Variants in ZNF490 observed in about 807,000 individuals in gnomAD.
The protein encoded by ZNF490 is zinc finger protein 490.
A neutral mutation model predicts 17.7 loss-of-function variants in ZNF490; 11 were observed. That is an observed-to-expected ratio of 0.62 (90% confidence interval 0.39 to 1.03). ZNF490 has a LOEUF of 1.03. Among genes scored for constraint, ZNF490 ranks in the 50% least tolerant of loss-of-function variants. ZNF490 has a pLI of 0.00. For synonymous variants in ZNF490, 222 were observed against 216.1 expected (o/e 1.03, Z -0.24); for missense variants, 542 against 643.4 (o/e 0.84, Z 1.71).
intron 2 of ZNF490, among the ~76,000 whole-genome samples, chr19:12,593,440 G>T (rs983652357): frequency 6.6e-6 from 1 of 151,928 alleles, no homozygotes; most frequent in African/African-American, 2.4e-5. Flanking sequence ...AGTAGAGACG[G>T]GGTTTCTCCA....
chr19:12,596,747 G>GCCACAGGAACGAACTCTGGGAGCT (rs1475457782), intron 2 of ZNF490, among the ~76,000 whole-genome samples: 9 of 152,116 alleles, frequency 5.9e-5, no homozygotes, highest in Non-Finnish European at 1.0e-4. Context: ...CATCTGAGCA[G>GCCACAGGAACGAACTCTGGGAGCT]CCACAGGAAC....
intron 2 of ZNF490, among the ~76,000 whole-genome samples, chr19:12,606,462 A>C (rs1454432370): frequency 6.6e-6 from 1 of 150,578 alleles, no homozygotes; most frequent in Non-Finnish European, 1.5e-5. Context: ...CTTCTGCCTC[A>C]GCCTGCTGAG....
intron 4 of ZNF490, 64 bp from the exon 5 acceptor site, chr19:12,581,788 G>T: frequency 7.3e-7 from 1 of 1,367,700 alleles, no homozygotes; most frequent in Non-Finnish European, 9.9e-7. Context: ...TTATTAGCAA[G>T]TACCAGAATT....
chr19:12,578,154 G>A lies in ZNF490; in HGVS notation c.*2331C>T. The A allele has an allele frequency of 1.0e-6, 1 of 985,508 alleles. No homozygotes were observed. Among genetic ancestry groups the A allele is most frequent in the Non-Finnish European group, 1.2e-6 (1 of 830,022 alleles). The allele number at this position is 985,508 out of a possible 1,614,324, so 61.0% of individuals were successfully genotyped here. ...GGCTAGGAAACCAGTCCTGGAGCAG[G>A]ATGCATGTGACATGCACTGACGTGA... On this transcript the variant is annotated 3_prime_UTR_variant, in exon 5 of 5. Transcript: ENST00000311437.
Position 12,581,033 on chromosome 19 carries a change from T to TTGA in ZNF490, c.1039_1041dup (p.Ser348dup). On this transcript the variant is annotated inframe_insertion, in exon 5 of 5. Coordinates refer to ENST00000311437, the MANE Select transcript of ZNF490 (RefSeq NM_020714.3). ...TGGGTTTTCACGTGTTTTCGAAGGC[T>TTGA]TGAGTGAGAAAAGAAGGCTCTCCCA... 6.2e-7 allele frequency: 1 copy of TTGA among 1,614,002 alleles called. No homozygotes were observed. Among genetic ancestry groups the TTGA allele is most frequent in the Non-Finnish European group, 8.5e-7 (1 of 1,179,942 alleles).
At chr19:12,588,629 T>C (rs1357550293) in intron 2 of ZNF490, among the ~76,000 whole-genome samples, 1 of 152,224 alleles carries the variant, frequency 6.6e-6, no homozygotes, top group African/African-American at 2.4e-5. Context: ...CTGGACTTAA[T>C]TGAAATCCAG....
In ZNF490 at chr19:12,580,714, A is replaced by G; in HGVS notation, c.1361T>C (p.Val454Ala). ...KPYECKQCGR[V>A]FIYFSHLRRH... ...TCGAAGGTGACTGAAGTAAATGAAGACCCGACCACACTGTTTGCATTCATA... is the reference window on the plus strand; with the variant it reads ...TCGAAGGTGACTGAAGTAAATGAAGGCCCGACCACACTGTTTGCATTCATA... The change falls in exon 5 of 5, where the codon GTC (valine) becomes GCC (alanine). Residue 454 changes from valine (V) to alanine (A), a missense_variant. Physicochemically the swap from Val to Ala is moderately conservative, Grantham distance 64. Transcript: ENST00000311437. The G allele has an allele frequency of 6.2e-7, 1 of 1,614,060 alleles. No individual in the cohort carries two copies. Among genetic ancestry groups the G allele is most frequent in the South Asian group, 1.1e-5 (1 of 91,076 alleles).
At position 12,581,454 on chromosome 19, in the gene ZNF490, G is replaced by A. The variant is rs769370296; in HGVS notation, c.621C>T (p.Ser207=). The A allele has an allele frequency of 2.0e-5, 32 of 1,614,110 alleles. No individual in the cohort carries two copies. The highest frequency in any genetic ancestry group is 6.8e-6 in the Non-Finnish European group (8 of 1,180,044). The part of the protein sequence containing the change: ...KECGKTFTRS[S]SIRTHERIHT... Reference sequence around the variant, plus strand: ...GAATTCTTTCATGGGTTCGAATACTGGAGCTGCGAGTGAAGGTTTTCCCAC... The same window carrying A: ...GAATTCTTTCATGGGTTCGAATACTAGAGCTGCGAGTGAAGGTTTTCCCAC... Residue 207 remains serine, a synonymous_variant, in exon 5 of 5, where the codon TCC becomes TCT. Coordinates refer to ENST00000311437, the MANE Select transcript of ZNF490 (RefSeq NM_020714.3).
chr19:12,606,544 C>A (rs908736432), intron 2 of ZNF490, among the ~76,000 whole-genome samples: 19 of 151,916 alleles, frequency 1.3e-4, no homozygotes, highest in African/African-American at 4.6e-4. Flanking sequence ...GCGGTTTCGC[C>A]ATGTTGGCCA....
chr19:12,599,139 C>CAAAAAAAAAAAAAAAAAAA (rs55911311), intron 2 of ZNF490, among the ~76,000 whole-genome samples: 3 of 68,630 alleles, frequency 4.4e-5, no homozygotes, highest in African/African-American at 6.7e-5. Context: ...GACTCTGTCT[C>CAAAAAAAAAAAAAAAAAAA]AAAAAAAAAA....
intron 2 of ZNF490, among the ~76,000 whole-genome samples, chr19:12,600,334 C>G (rs2022987125): frequency 6.6e-6 from 1 of 151,626 alleles, no homozygotes. Context: ...CCACTGCACT[C>G]CAGCCTGAGC....
At chr19:12,589,375 A>C (rs1204143019) in intron 2 of ZNF490, among the ~76,000 whole-genome samples, 1 of 152,052 alleles carries the variant, frequency 6.6e-6, no homozygotes, top group Non-Finnish European at 1.5e-5. Context: ...TAGATAGAGA[A>C]AAACCAACAA....
At chr19:12,593,086 A>G (rs1375558186) in intron 2 of ZNF490, among the ~76,000 whole-genome samples, 1 of 152,218 alleles carries the variant, frequency 6.6e-6, no homozygotes, top group Non-Finnish European at 1.5e-5. Flanking sequence ...GAGAAGTGAA[A>G]TAAGAGCTTT....
At chr19:12,582,174 T>C (rs1379588789) in intron 4 of ZNF490, among the ~76,000 whole-genome samples, 1 of 152,178 alleles carries the variant, frequency 6.6e-6, no homozygotes, top group East Asian at 1.9e-4. Flanking sequence ...GTGCTGGGAT[T>C]ACAGGCGTGA....
chr19:12,600,759 A>G (rs1208042167), intron 2 of ZNF490, among the ~76,000 whole-genome samples: 1 of 152,148 alleles, frequency 6.6e-6, no homozygotes, highest in Non-Finnish European at 1.5e-5. Flanking sequence ...AAGCTCTAAC[A>G]GGTGCTCTTG....
rs2022736817 is a variant in ZNF490, at chr19:12,581,648, G to T, written c.427C>A (p.Leu143Ile). 1 of 1,614,176 alleles carries T rather than the reference G, an allele frequency of 6.2e-7. No individual in the cohort carries two copies. Among genetic ancestry groups the T allele is most frequent in the Non-Finnish European group, 8.5e-7 (1 of 1,180,030 alleles). ...GTAGGAGTTTCCAGGTTCGTATTAA[G>T]ATCAGGAATCTGGCTAGTGCTTTTT... is the stretch of plus-strand genomic sequence containing the variant. ...CGKSTSQIPD[L>I]NTNLETPTGL... Residue 143 changes from leucine (L) to isoleucine (I), a missense_variant, in exon 5 of 5, where the codon CTT becomes ATT. Physicochemically the swap from Leu to Ile is conservative, Grantham distance 5. Coordinates refer to ENST00000311437, the MANE Select transcript of ZNF490 (RefSeq NM_020714.3).
Position 12,580,774 on chromosome 19 carries a change from C to T in ZNF490, c.1301G>A (p.Arg434Gln), listed in dbSNP as rs749817479. Reference sequence around the variant, plus strand: ...TCTAGTATGGGTTCTTTCATGGATTCGAAAGTGAGTGGAATAAAGAAAGGC... The same window carrying T: ...TCTAGTATGGGTTCTTTCATGGATTTGAAAGTGAGTGGAATAAAGAAAGGC... Reference protein sequence around the residue: ...GKAFLYSTHFRIHERTHTREK... With the variant: ...GKAFLYSTHFQIHERTHTREK... The change falls in exon 5 of 5, where the codon CGA (arginine) becomes CAA (glutamine). Residue 434 changes from arginine to glutamine, a missense_variant. Physicochemically the swap from Arg to Gln is conservative, Grantham distance 43. Transcript: ENST00000311437. 7 of 1,614,024 alleles carry T rather than the reference C, an allele frequency of 4.3e-6. No individual in the cohort carries two copies. Among genetic ancestry groups the T allele is most frequent in the Non-Finnish European group, 5.1e-6 (6 of 1,180,020 alleles).
chr19:12,601,664 A>G (rs907580914), intron 2 of ZNF490, among the ~76,000 whole-genome samples: 2 of 151,930 alleles, frequency 1.3e-5, no homozygotes, highest in African/African-American at 4.8e-5. Flanking sequence ...TATTTTTTGT[A>G]TGTCTATCCA....
rs201331062 is a variant in ZNF490 at position 12,580,546 on chromosome 19, G to C, written c.1529C>G (p.Ala510Gly). The change falls in exon 5 of 5, where the codon GCC becomes GGC. Residue 510 changes from alanine to glycine, a missense_variant. Physicochemically the swap from Ala to Gly is moderately conservative, Grantham distance 60. Transcript: ENST00000311437. ...GTGCAAAGACTTTGAGTAACTGAAGGCTTTACCACATTGTCTACACTGAAA... is the reference window on the plus strand; with the variant it reads ...GTGCAAAGACTTTGAGTAACTGAAGCCTTTACCACATTGTCTACACTGAAA... ...RPFQCRQCGK[A>G]FSYSKSLHVH... The C allele has an allele frequency of 1.9e-6, 3 of 1,613,734 alleles. No individual in the cohort carries two copies. Among genetic ancestry groups the C allele is most frequent in the East Asian group, 2.2e-5 (1 of 44,884 alleles).
Sources: gnomAD v4.1 joint callset for allele counts (sites outside exome capture counted in the v4.1 genomes callset) on GRCh38, gnomAD v4.1.1 for gene constraint, MANE v1.5 for transcripts, NCBI Gene and HGNC (gene_info 2026-07-23, HGNC 2026-07-21) for gene names.